The following UTS2 variants were observed in gnomAD, a reference collection of about 807,000 sequenced individuals.
UTS2 encodes urotensin-2.
A neutral mutation model predicts 12.6 loss-of-function variants in UTS2; 10 were observed. That is an observed-to-expected ratio of 0.80 (90% confidence interval 0.49 to 1.35). UTS2 has a LOEUF of 1.35. UTS2 is among the 40% of genes most tolerant of loss of function. The pLI, the probability that UTS2 is intolerant of heterozygous loss-of-function variation, is 0.00. For missense variants in UTS2, 142 were observed against 143.2 expected (o/e 0.99, Z 0.04); for synonymous variants, 52 against 50.0 (o/e 1.04, Z -0.17).
the UTS2 span, among the ~76,000 whole-genome samples, chr1:7,913,110 C>T: frequency 0.72 from 109,145 of 151,272 alleles, 39,849 homozygotes; most frequent in East Asian, 1. Flanking sequence ...TACGGAACTC[C>T]CACCCTCCAG....
chr1:7,860,131 A>T, the UTS2 span, among the ~76,000 whole-genome samples: 4 of 152,164 alleles, frequency 2.6e-5, no homozygotes, highest in Non-Finnish European at 5.9e-5. Flanking sequence ...GGTACTAGGG[A>T]TGTAGCAATG....
At chr1:7,862,319 C>T in the UTS2 span, among the ~76,000 whole-genome samples, 5 of 152,188 alleles carry the variant, frequency 3.3e-5, no homozygotes, top group South Asian at 1.0e-3. Flanking sequence ...ATGTCCCCTG[C>T]ATGCTCCTAC....
At chr1:7,899,055 T>A in the UTS2 span, among the ~76,000 whole-genome samples, 1 of 152,092 alleles carries the variant, frequency 6.6e-6, no homozygotes. Flanking sequence ...AACAGGCACA[T>A]CTTACATGGC....
the UTS2 span, among the ~76,000 whole-genome samples, chr1:7,886,790 C>G: frequency 1.3e-5 from 2 of 152,008 alleles, no homozygotes; most frequent in African/African-American, 4.8e-5. Flanking sequence ...TGGTGGCTCA[C>G]GCCTGTAATG....
chr1:7,848,084 G>A (rs1397032208), intron 3 of UTS2, among the ~76,000 whole-genome samples: 2 of 152,128 alleles, frequency 1.3e-5, no homozygotes, highest in Admixed American at 6.6e-5. Flanking sequence ...TCTAATGAGT[G>A]TCCTTCCAGT....
the UTS2 span, among the ~76,000 whole-genome samples, chr1:7,879,971 T>C: frequency 6.6e-6 from 1 of 151,912 alleles, no homozygotes; most frequent in South Asian, 2.1e-4. Flanking sequence ...ATAATAAAGA[T>C]CAAAGCATAG....
the UTS2 span, among the ~76,000 whole-genome samples, chr1:7,862,778 T>G: frequency 3.9e-5 from 6 of 152,008 alleles, no homozygotes; most frequent in Non-Finnish European, 7.4e-5. Context: ...CCCAAACACC[T>G]CCTATTAGAG....
chr1:7,872,432 G>A, the UTS2 span, among the ~76,000 whole-genome samples: 1 of 152,028 alleles, frequency 6.6e-6, no homozygotes, highest in South Asian at 2.1e-4. Flanking sequence ...TTTACAACTG[G>A]CAAAGGAAAA....
chr1:7,912,600 T>C, the UTS2 span, among the ~76,000 whole-genome samples: 1 of 152,160 alleles, frequency 6.6e-6, no homozygotes, highest in African/African-American at 2.4e-5. Context: ...ACTACAGGTG[T>C]GTGTCACCAT....
At chr1:7,890,692 G>GATCAGCCTGGACAACAGAGTGAGACCCC in the UTS2 span, among the ~76,000 whole-genome samples, 1 of 133,712 alleles carries the variant, frequency 7.5e-6, no homozygotes, top group East Asian at 2.2e-4. Context: ...TGGAGTTGGA[G>GATCAGCCTGGACAACAGAGTGAGACCCC]ATCAGCCTGG....
At chr1:7,853,617 T>C (rs1638222580), upstream of UTS2, 2 of 652,226 alleles carry the variant, frequency 3.1e-6, no homozygotes, top group African/African-American at 1.9e-5. Flanking sequence ...CGTGGCCTCA[T>C]GTGAAGCCGC....
chr1:7,902,629 G>A, the UTS2 span, among the ~76,000 whole-genome samples: 3 of 152,166 alleles, frequency 2.0e-5, no homozygotes, highest in African/African-American at 7.2e-5. Context: ...GTCTCGCTAT[G>A]TTGGCCAGGC....
At chr1:7,899,614 C>G in the UTS2 span, among the ~76,000 whole-genome samples, 1 of 152,118 alleles carries the variant, frequency 6.6e-6, no homozygotes. Flanking sequence ...CTCAGGTGAT[C>G]CTCACACCTC....
upstream of UTS2, among the ~76,000 whole-genome samples, chr1:7,854,263 G>A (rs186520439): frequency 2.5e-3 from 377 of 151,810 alleles, 1 homozygote; most frequent in Non-Finnish European, 3.9e-3. Flanking sequence ...AGAATTGCTT[G>A]AATCCAGGAG....
chr1:7,896,859 C>A, the UTS2 span, among the ~76,000 whole-genome samples: 1 of 151,996 alleles, frequency 6.6e-6, no homozygotes, highest in African/African-American at 2.4e-5. Context: ...CCATGCCTGG[C>A]TAATTTTTGT....
the UTS2 span, among the ~76,000 whole-genome samples, chr1:7,904,478 TAA>T: frequency 0.011 from 1,615 of 144,930 alleles, 35 homozygotes; most frequent in African/African-American, 0.039. Context: ...CTCCATCTCG[TAA>T]AAAAAAAAAC....
the UTS2 span, among the ~76,000 whole-genome samples, chr1:7,870,671 T>C: frequency 6.6e-6 from 1 of 152,366 alleles, no homozygotes; most frequent in African/African-American, 2.4e-5. Context: ...TCAAGGCCTT[T>C]TGCTTACCAA....
At chr1:7,871,424 C>G in the UTS2 span, among the ~76,000 whole-genome samples, 1 of 152,206 alleles carries the variant, frequency 6.6e-6, no homozygotes, top group Non-Finnish European at 1.5e-5. Context: ...CCTGCCCAGG[C>G]TGGCTTCACT....
the UTS2 span, among the ~76,000 whole-genome samples, chr1:7,865,670 G>A: frequency 6.6e-6 from 1 of 152,122 alleles, no homozygotes; most frequent in Non-Finnish European, 1.5e-5. Flanking sequence ...GAGCATGGTG[G>A]TTCTGTAATC....
Sources: gnomAD v4.1 joint callset for allele counts (sites outside exome capture counted in the v4.1 genomes callset) on GRCh38, gnomAD v4.1.1 for gene constraint, MANE v1.5 for transcripts, NCBI Gene and HGNC (gene_info 2026-07-23, HGNC 2026-07-21) for gene names.